Variants in TUSC3 observed in about 807,000 individuals in gnomAD.
TUSC3 encodes tumor suppressor candidate 3.
Under a neutral mutation model 44.8 loss-of-function variants are expected in TUSC3, and 45 were observed. The observed-to-expected ratio is 1.00, with a 90% CI of 0.79 to 1.29. The LOEUF (loss-of-function observed/expected upper bound fraction) is 1.29, where lower values mean the gene tolerates loss of function less well. Ranked by LOEUF, TUSC3 falls within the 50% of genes most tolerant of loss-of-function variation. The pLI is 0.00. For missense variants in TUSC3, 519 were observed against 437.9 expected, an observed-to-expected ratio of 1.19 and a Z score of -1.65; for synonymous variants, 212 against 152.9, an observed-to-expected ratio of 1.39 and a Z score of -2.85.
At chr8:15,798,859 C>A in the TUSC3 span, among the ~76,000 whole-genome samples, 1 of 152,118 alleles carries the variant, frequency 6.6e-6, no homozygotes, top group African/African-American at 2.4e-5. Context: ...TGCCTTATTT[C>A]CATATAAAGA....
chr8:15,601,579 C>A (rs1168595554), intron 1 of TUSC3, among the ~76,000 whole-genome samples: 8 of 151,626 alleles, frequency 5.3e-5, no homozygotes, highest in African/African-American at 1.9e-4. Flanking sequence ...AACTGGGTTA[C>A]TTCCATAATT....
chr8:15,692,536 T>A (rs552256586), intron 6 of TUSC3, among the ~76,000 whole-genome samples: 20 of 151,848 alleles, frequency 1.3e-4, no homozygotes, highest in Non-Finnish European at 2.6e-4. Flanking sequence ...TTATTATTGG[T>A]CAGTTCAGGG....
intron 1 of TUSC3, among the ~76,000 whole-genome samples, chr8:15,566,621 G>A (rs911250843): frequency 2.7e-5 from 4 of 150,902 alleles, no homozygotes; most frequent in Non-Finnish European, 5.9e-5. Flanking sequence ...TGTTGTTGTT[G>A]TTGTTGTTTT....
chr8:15,537,423 C>T (rs544346648), upstream of TUSC3, among the ~76,000 whole-genome samples: 2 of 152,258 alleles, frequency 1.3e-5, no homozygotes, highest in South Asian at 2.1e-4. Flanking sequence ...AGCTGCACCC[C>T]GACCACCTCG....
chr8:15,633,992 A>T (rs1286943187), intron 2 of TUSC3, among the ~76,000 whole-genome samples: 1 of 152,176 alleles, frequency 6.6e-6, no homozygotes, highest in East Asian at 1.9e-4. Context: ...TCCCCCAGGT[A>T]TCTGAAGGCT....
intron 6 of TUSC3, among the ~76,000 whole-genome samples, chr8:15,723,950 T>A (rs1208974668): frequency 6.6e-6 from 1 of 152,158 alleles, no homozygotes; most frequent in African/African-American, 2.4e-5. Context: ...ATGAACTGAA[T>A]TCTTTCCCTC....
At chr8:15,585,083 C>T (rs1301818294) in intron 1 of TUSC3, among the ~76,000 whole-genome samples, 6 of 151,940 alleles carry the variant, frequency 3.9e-5, no homozygotes, top group African/African-American at 1.5e-4. Context: ...AGTATTACAT[C>T]GGAAGAGATG....
chr8:15,803,720 C>T, the TUSC3 span, among the ~76,000 whole-genome samples: 1 of 152,066 alleles, frequency 6.6e-6, no homozygotes, highest in African/African-American at 2.4e-5. Context: ...TTTTGCCTCA[C>T]CCCCTGGCAG....
chr8:15,600,819 G>A (rs1184314858), intron 1 of TUSC3, among the ~76,000 whole-genome samples: 1 of 151,520 alleles, frequency 6.6e-6, no homozygotes, highest in African/African-American at 2.4e-5. Flanking sequence ...GCTTATAAAG[G>A]AATTTTATTC....
intron 2 of TUSC3, among the ~76,000 whole-genome samples, chr8:15,629,211 A>G (rs534092851): frequency 6.6e-6 from 1 of 152,290 alleles, no homozygotes; most frequent in African/African-American, 2.4e-5. Context: ...AGAGGAAAAA[A>G]GTGAGATTAT....
intron 3 of TUSC3, among the ~76,000 whole-genome samples, chr8:15,653,595 G>C (rs950174140): frequency 1.3e-5 from 2 of 152,160 alleles, no homozygotes; most frequent in African/African-American, 2.4e-5. Flanking sequence ...TCCTGGTGTA[G>C]AACTGCCTTG....
intron 1 of TUSC3, among the ~76,000 whole-genome samples, chr8:15,469,025 C>G (rs906418376): frequency 6.6e-6 from 1 of 151,866 alleles, no homozygotes; most frequent in Non-Finnish European, 1.5e-5. Context: ...CACAAATTCT[C>G]TCAGAACGCA....
chr8:15,427,153 T>A (rs758858545), intron 1 of TUSC3, among the ~76,000 whole-genome samples: 4 of 151,642 alleles, frequency 2.6e-5, no homozygotes, highest in Non-Finnish European at 4.4e-5. Context: ...ATACATAGTT[T>A]ACAAATACTT....
intron 6 of TUSC3, among the ~76,000 whole-genome samples, chr8:15,726,162 ATAACT>A (rs1368667000): frequency 1.3e-5 from 2 of 152,216 alleles, no homozygotes; most frequent in Admixed American, 6.5e-5. Flanking sequence ...GAATTCAGTA[ATAACT>A]TAAGTAAAAT....
At chr8:15,452,613 G>C (rs191814081) in intron 1 of TUSC3, among the ~76,000 whole-genome samples, 1 of 152,176 alleles carries the variant, frequency 6.6e-6, no homozygotes, top group African/African-American at 2.4e-5. Context: ...CTATAAGGCA[G>C]ACTTACGTCT....
the TUSC3 span, among the ~76,000 whole-genome samples, chr8:15,785,997 T>A: frequency 1.3e-5 from 2 of 152,198 alleles, no homozygotes; most frequent in African/African-American, 4.8e-5. Flanking sequence ...TAAATAGGAA[T>A]TGAGTGTTAA....
At chr8:15,719,499 ACACACACACACACACAC>A (rs1234077113) in intron 6 of TUSC3, among the ~76,000 whole-genome samples, 4,189 of 57,442 alleles carry the variant, frequency 0.073, 100 homozygotes, top group African/African-American at 0.17. Context: ...AGTTCATCAC[ACACACACACACACACAC>A]CACACACACA....
chr8:15,664,470 A>G (rs904551404), intron 5 of TUSC3, among the ~76,000 whole-genome samples: 3 of 106,718 alleles, frequency 2.8e-5, no homozygotes, highest in Admixed American at 9.5e-5. Flanking sequence ...TATTATTATT[A>G]TTATTATTAT....
intron 2 of TUSC3, among the ~76,000 whole-genome samples, chr8:15,525,272 A>T (rs954911948): frequency 6.6e-6 from 1 of 152,164 alleles, no homozygotes; most frequent in African/African-American, 2.4e-5. Context: ...ATAGTACTTC[A>T]GGATGCTAGT....
Sources: allele counts gnomAD v4.1 joint callset (sites outside exome capture counted in the v4.1 genomes callset), GRCh38; gene constraint gnomAD v4.1.1; transcripts MANE v1.5; gene names NCBI Gene and HGNC (gene_info 2026-07-23, HGNC 2026-07-21).